Variants in TOP3B observed in about 807,000 individuals in gnomAD.
TOP3B encodes the protein DNA topoisomerase 3-beta-1.
Under a neutral mutation model 93.9 loss-of-function variants are expected in TOP3B, and 45 were observed. The ratio of observed to expected loss-of-function variants is 0.48; its 90% confidence interval spans 0.38 to 0.61. TOP3B has a LOEUF of 0.61. Among genes scored for constraint, TOP3B ranks in the 20% least tolerant of loss-of-function variants. TOP3B has a pLI of 0.00. For synonymous variants in TOP3B, 357 were observed against 472.6 expected, an observed-to-expected ratio of 0.76 and a Z score of 3.17; for missense variants, 750 against 1,156.1, an observed-to-expected ratio of 0.65 and a Z score of 5.09.
intron 2 of TOP3B, 126 bp from the exon 3 acceptor site, chr22:21,974,614 C>T (rs1317365632): frequency 9.1e-7 from 1 of 1,100,142 alleles, no homozygotes; most frequent in Non-Finnish European, 1.3e-6. Flanking sequence ...TGAGTGACGA[C>T]ATTCCGCAGA....
intron 13 of TOP3B, 135 bp downstream of exon 13, chr22:21,962,294 A>G: frequency 6.3e-7 from 1 of 1,592,656 alleles, no homozygotes; most frequent in South Asian, 1.1e-5. Context: ...ACACTGGGTC[A>G]CCAGTTTCCA....
intron 7 of TOP3B, 140 bp downstream of exon 7, chr22:21,968,479 C>T (rs986942216): frequency 4.5e-5 from 47 of 1,054,802 alleles, no homozygotes; most frequent in African/African-American, 4.8e-5. Flanking sequence ...CAGCCCTAGG[C>T]ACCACAGACC....
intron 13 of TOP3B, chr22:21,961,698 G>C (rs539084637): frequency 3.9e-5 from 6 of 155,498 alleles, no homozygotes; most frequent in Non-Finnish European, 7.1e-5. Context: ...TGCTGGAGCA[G>C]AGCCTGGACA....
chr22:21,974,670 A>G (rs2071788709), intron 2 of TOP3B, 182 bp from the exon 3 acceptor site: 3 of 615,966 alleles, frequency 4.9e-6, no homozygotes, highest in Non-Finnish European at 8.3e-6. Context: ...GCGCTCAGGG[A>G]AAACAGCATC....
At chr22:21,968,475 T>C (rs1270686434) in intron 7 of TOP3B, 144 bp downstream of exon 7, 2 of 1,007,558 alleles carry the variant, frequency 2.0e-6, no homozygotes, top group African/African-American at 1.6e-5. Context: ...CCCTCAGCCC[T>C]AGGCACCACA....
intron 3 of TOP3B, 38 bp downstream of exon 3, chr22:21,974,319 G>A: frequency 6.3e-7 from 1 of 1,598,534 alleles, no homozygotes; most frequent in Non-Finnish European, 8.6e-7. Flanking sequence ...GTGCCATGCA[G>A]AACTCCCTTC....
intron 1 of TOP3B, among the ~76,000 whole-genome samples, chr22:21,981,836 G>T (rs963010875): frequency 6.6e-6 from 1 of 151,950 alleles, no homozygotes; most frequent in African/African-American, 2.4e-5. Context: ...GATGTGGCCT[G>T]GGAGTAGGCC....
At chr22:21,958,822 A>G in intron 16 of TOP3B, 129 bp from the exon 17 acceptor site, 2 of 1,397,128 alleles carry the variant, frequency 1.4e-6, no homozygotes, top group African/African-American at 1.4e-5. Context: ...CCAGGCAAGG[A>G]GCATGAGTCT....
intron 1 of TOP3B, 177 bp downstream of exon 1, chr22:21,982,553 G>C (rs1176097350): frequency 6.6e-6 from 1 of 152,272 alleles, no homozygotes; most frequent in Non-Finnish European, 1.5e-5. Flanking sequence ...AGCAAGCCCC[G>C]CGGGAGAGTA....
rs374293467 is a variant in TOP3B, at chr22:21,968,710, G to A, written c.647C>T (p.Pro216Leu). The change falls in exon 7 of 18, where the codon CCG (proline) becomes CTG (leucine). Residue 216 changes from proline to leucine, a missense_variant. Around this residue, in one of 4 missense-constraint regions of TOP3B, gnomAD observed 737 missense variants for 933.7 expected, o/e 0.79. Coordinates refer to ENST00000357179, the MANE Select transcript of TOP3B (RefSeq NM_001282112.2). Reference sequence around the variant, plus strand: ...GAATCCCAGGGTTGGAGTCTGACACGGCCCAAAGGAGATGAGAGAGCTGTC... The same window carrying A: ...GAATCCCAGGGTTGGAGTCTGACACAGCCCAAAGGAGATGAGAGAGCTGTC... ...DLDSSLISFG[P>L]CQTPTLGFCV... 223 of 1,614,042 alleles carry A rather than the reference G, an allele frequency of 1.4e-4. No individual in the cohort carries two copies. Among genetic ancestry groups the A allele is most frequent in the Non-Finnish European group, 1.8e-4 (208 of 1,180,036 alleles).
At chr22:21,978,794 T>C (rs2145886193) in intron 1 of TOP3B, among the ~76,000 whole-genome samples, 1 of 152,188 alleles carries the variant, frequency 6.6e-6, no homozygotes, top group South Asian at 2.1e-4. Context: ...TGGGGTGAGC[T>C]CAACAAAACC....
In TOP3B at chr22:21,968,745, GTAT is replaced by G; in HGVS notation, c.609_611del (p.Lys203_Tyr204delinsAsn). On this transcript the variant is annotated inframe_deletion, in exon 7 of 18. Coordinates refer to ENST00000357179, the MANE Select transcript of TOP3B (RefSeq NM_001282112.2). ...AGATGAGAGAGCTGTCTAAATCACC[GTAT>G]TTCCCCTGGAAATATTTAGTCTGAA... is the stretch of plus-strand genomic sequence containing the variant. 1 of 1,614,162 alleles carries G rather than the reference GTAT, an allele frequency of 6.2e-7. No homozygotes were observed. The highest frequency in any genetic ancestry group is 8.5e-7 in the Non-Finnish European group (1 of 1,180,034).
Position 21,970,879 on chromosome 22 carries a change from G to C in TOP3B, c.385-473C>G. On this transcript the variant is annotated intron_variant, in intron 5 of 17. Coordinates refer to ENST00000357179, the MANE Select transcript of TOP3B (RefSeq NM_001282112.2). The surrounding 1 kb of genome is among the most constrained non-coding windows in gnomAD (Gnocchi z 4.4). The stretch of plus-strand genomic sequence containing the variant: ...CAGGGAAGGAAAAAAGAATGAAGGG[G>C]AAAGGAAATGGGCAAGAGCAGGAAG... 4 of 572,318 alleles carry C rather than the reference G, an allele frequency of 7.0e-6. No homozygotes were observed. Among genetic ancestry groups the C allele is most frequent in the Non-Finnish European group, 9.8e-6 (4 of 408,828 alleles). The allele number at this position is 572,318 out of a possible 1,614,324, so 35.5% of individuals were successfully genotyped here. A position where few individuals can be genotyped will look rare whatever the true frequency, so the allele number is the denominator to read the frequency against.
chr22:21,965,432 A>G, intron 8 of TOP3B, 57 bp from the exon 9 acceptor site: 1 of 1,174,794 alleles, frequency 8.5e-7, no homozygotes, highest in Non-Finnish European at 1.2e-6. Context: ...CCATAGAGGG[A>G]ATCAAGATGT....
chr22:21,975,768 C>G lies in TOP3B; in HGVS notation c.-59G>C. ...CACTGGCAATGAAAAAGTTTAGACT[C>G]CACTCTTCCGCAGCACAGCACTATT... On this transcript the variant is annotated 5_prime_UTR_variant, in exon 2 of 18. Coordinates refer to ENST00000357179, the MANE Select transcript of TOP3B (RefSeq NM_001282112.2). 1 of 1,572,820 alleles carries G rather than the reference C, an allele frequency of 6.4e-7. No individual in the cohort carries two copies. Among genetic ancestry groups the G allele is most frequent in the Non-Finnish European group, 8.7e-7 (1 of 1,155,290 alleles).
intron 17 of TOP3B, chr22:21,958,174 C>T: frequency 7.9e-7 from 1 of 1,271,366 alleles, no homozygotes; most frequent in South Asian, 1.5e-5. Flanking sequence ...ACTGGGGGTG[C>T]CCGCTCACCG....
rs2071698020 is a variant in TOP3B at position 21,972,825 on chromosome 22, T to G, written c.203-107A>C. The G allele has an allele frequency of 9.6e-6, 9 of 940,380 alleles. No homozygotes were observed. The Admixed American group carries it at 1.8e-4, about 19-fold the overall frequency. The allele number at this position is 940,380 out of a possible 1,614,324, so 58.3% of individuals were successfully genotyped here. A position where few individuals can be genotyped will look rare whatever the true frequency, so the allele number is the denominator to read the frequency against. On this transcript the variant is annotated intron_variant, in intron 3 of 17. Transcript: ENST00000357179. ...TCCCACAAATGAGGAGGGGAAAGCT[T>G]GGAGAACAATTTGCCCAGGGTCATC...
rs2145839169 is a variant in TOP3B at position 21,963,011 on chromosome 22, A to G, written c.1205-118T>C. On this transcript the variant is annotated intron_variant, in intron 11 of 17. Transcript: ENST00000357179. The surrounding 1 kb of genome is among the most constrained non-coding windows in gnomAD (Gnocchi z 4.8). ...CTTACAGAGCCGCTGTGCAGGACAC[A>G]CTGCAAATCCTGGGGAAGGAGGAAA... The G allele has an allele frequency of 1.6e-6, 2 of 1,255,488 alleles. No individual in the cohort carries two copies. The highest frequency in any genetic ancestry group is 1.3e-5 in the South Asian group (1 of 74,732). 77.8% of individuals were successfully genotyped at this position (1,255,488 alleles called of 1,614,324 possible).
At chr22:21,975,600 G>T in intron 2 of TOP3B, 40 bp downstream of exon 2, 2 of 1,564,976 alleles carry the variant, frequency 1.3e-6, no homozygotes, top group South Asian at 1.2e-5. Context: ...ACACATAAAC[G>T]ACCGTGCTTA....
Sources: allele counts gnomAD v4.1 joint callset (sites outside exome capture counted in the v4.1 genomes callset), GRCh38; gene constraint gnomAD v4.1.1; regional missense constraint gnomAD v4.1.1; non-coding constraint Gnocchi (gnomAD v3.1); transcripts MANE v1.5; gene names NCBI Gene and HGNC (gene_info 2026-07-23, HGNC 2026-07-21).